NF1: variants seen among roughly 807,000 people sequenced by gnomAD.
The protein encoded by NF1 is neurofibromin 1, also known as neurofibromin.
Under a neutral mutation model 325.7 loss-of-function variants are expected in NF1, and 122 were observed. That is an observed-to-expected ratio of 0.37 (90% CI 0.32 to 0.44). The LOEUF (loss-of-function observed/expected upper bound fraction) is 0.44. Among genes scored for constraint, NF1 ranks in the 20% least tolerant of loss-of-function variants. The pLI, the probability that NF1 is intolerant of heterozygous loss-of-function variation, is 1.00. For synonymous variants in NF1, 1,091 were observed against 1,186.0 expected (o/e 0.92, Z 1.65); for missense variants, 2,140 against 3,415.4 (o/e 0.63, Z 9.31).
intron 39 of NF1, chr17:31,330,707 A>G (rs2069459884): frequency 5.2e-6 from 3 of 574,936 alleles, no homozygotes; most frequent in African/African-American, 1.9e-5. Flanking sequence ...CAAAATTCTG[A>G]TAATAAAAGC....
At chr17:31,259,219 C>G (rs1289867297) in intron 33 of NF1, 90 bp downstream of exon 33, 3 of 877,488 alleles carry the variant, frequency 3.4e-6, no homozygotes, top group Non-Finnish European at 5.6e-6. Flanking sequence ...ACATGAAGTT[C>G]CTGTGTAAGT....
chr17:31,313,859 A>G, intron 36 of NF1: 1 of 391,328 alleles, frequency 2.6e-6, no homozygotes, highest in Non-Finnish European at 4.5e-6. Flanking sequence ...ACAAAACCAC[A>G]AAAACCTGTT....
At chr17:31,111,830 G>T (rs1193258072) in intron 1 of NF1, among the ~76,000 whole-genome samples, 3 of 152,124 alleles carry the variant, frequency 2.0e-5, no homozygotes, top group African/African-American at 4.8e-5. Flanking sequence ...ACACACTCGG[G>T]TAAGTGTGTG....
At chr17:31,360,193 A>G (rs2070366763) in intron 56 of NF1, 1 of 419,220 alleles carries the variant, frequency 2.4e-6, no homozygotes, top group Non-Finnish European at 4.4e-6. Flanking sequence ...TGTTTTGGAA[A>G]ATTGGCTAGA....
At chr17:31,223,710 G>A (rs2066966337) in intron 16 of NF1, 143 bp downstream of exon 16, 1 of 766,312 alleles carries the variant, frequency 1.3e-6, no homozygotes, top group African/African-American at 1.8e-5. Flanking sequence ...TATGTATGCA[G>A]AGGACAATGA....
chr17:31,114,028 T>C (rs967387750), intron 1 of NF1, among the ~76,000 whole-genome samples: 2 of 152,172 alleles, frequency 1.3e-5, no homozygotes, highest in Non-Finnish European at 2.9e-5. Flanking sequence ...TCCTGTTACC[T>C]AGGGACTAAA....
intron 36 of NF1, among the ~76,000 whole-genome samples, chr17:31,307,091 G>A (rs1597803639): frequency 6.6e-6 from 1 of 151,878 alleles, no homozygotes; most frequent in East Asian, 1.9e-4. Context: ...GGCACAATCT[G>A]GGCTCACTGC....
intron 1 of NF1, among the ~76,000 whole-genome samples, chr17:31,098,661 C>T (rs113864163): frequency 0.017 from 2,539 of 152,002 alleles, 42 homozygotes; most frequent in Admixed American, 0.037. Context: ...TGGCCGGGCG[C>T]GGCGGCTCAC....
intron 11 of NF1, among the ~76,000 whole-genome samples, chr17:31,203,292 A>C (rs1271197980): frequency 1.3e-5 from 2 of 152,226 alleles, no homozygotes; most frequent in Non-Finnish European, 2.9e-5. Flanking sequence ...AGATCAAGTT[A>C]TATGAAAATC....
In NF1 at chr17:31,121,901, A is replaced by G. The variant is rs115896552; in HGVS notation, c.60+26532A>G. ...ATTTACTTTGACTTTTTCATCCTAC[A>G]AAAATTATTCTGGTTCTGAAGGATG... On this transcript the variant is annotated intron_variant, in intron 1 of 57. Transcript: ENST00000358273. Among the ~76,000 whole-genome samples the G allele has an allele frequency of 2.9e-3, 441 of 152,272 alleles. 2 individuals are homozygous for G. Among genetic ancestry groups the G allele is most frequent in the African/African-American group, 9.6e-3 (399 of 41,530 alleles).
chr17:31,258,128 G>C (rs2067615092), intron 31 of NF1, among the ~76,000 whole-genome samples: 1 of 151,960 alleles, frequency 6.6e-6, no homozygotes, highest in African/African-American at 2.4e-5. Flanking sequence ...TCTTTCCTCT[G>C]AGATACCTTA....
chr17:31,343,220 T>C (rs2069873093), intron 48 of NF1, 85 bp downstream of exon 48: 2 of 1,321,658 alleles, frequency 1.5e-6, no homozygotes, highest in Admixed American at 1.8e-5. Context: ...TTGAAATAAA[T>C]TGAAGTAAGT....
rs17879064 is a variant in NF1, at chr17:31,104,766, A to G, written c.60+9397A>G. Among the ~76,000 whole-genome samples the G allele has an allele frequency of 3.7e-3, 565 of 152,340 alleles. 6 individuals are homozygous for G. The highest frequency in any genetic ancestry group is 0.013 in the African/African-American group (537 of 41,578). The stretch of plus-strand genomic sequence containing the variant: ...AGAGTACTCTCAGGTGTTTAATGCT[A>G]TAGGATATAAACTATAACTGCTGTT... On this transcript the variant is annotated intron_variant, in intron 1 of 57. Transcript: ENST00000358273.
intron 5 of NF1, among the ~76,000 whole-genome samples, chr17:31,174,743 G>T (rs1249314630): frequency 6.6e-6 from 1 of 152,112 alleles, no homozygotes; most frequent in East Asian, 1.9e-4. Context: ...GATTCAAAAA[G>T]AATTAAGTGT....
At chr17:31,199,863 T>A (rs1184222545) in intron 8 of NF1, among the ~76,000 whole-genome samples, 3 of 152,002 alleles carry the variant, frequency 2.0e-5, no homozygotes, top group Non-Finnish European at 4.4e-5. Flanking sequence ...AGGCTAGGTG[T>A]GGTGGCTCAT....
chr17:31,140,973 A>T (rs1916167411), intron 1 of NF1, among the ~76,000 whole-genome samples: 1 of 152,244 alleles, frequency 6.6e-6, no homozygotes, highest in Non-Finnish European at 1.5e-5. Flanking sequence ...GGGGTTATAT[A>T]GATAATAAAA....
At chr17:31,286,342 G>T (rs983381469) in intron 36 of NF1, among the ~76,000 whole-genome samples, 1 of 152,156 alleles carries the variant, frequency 6.6e-6, no homozygotes, top group East Asian at 1.9e-4. Flanking sequence ...TAATCTGCCT[G>T]TCTTGGCTCC....
chr17:31,170,340 T>C (rs941475418), intron 5 of NF1, among the ~76,000 whole-genome samples: 3 of 152,338 alleles, frequency 2.0e-5, no homozygotes, highest in Non-Finnish European at 2.9e-5. Context: ...TGTTTAGCTA[T>C]TGTAGCACTT....
chr17:31,186,998 GT>G (rs1413845780), intron 8 of NF1, among the ~76,000 whole-genome samples: 2 of 152,144 alleles, frequency 1.3e-5, no homozygotes, highest in Non-Finnish European at 2.9e-5. Context: ...GCAGAGATTT[GT>G]CCTCACTGGA....
Sources: allele counts gnomAD v4.1 joint callset (sites outside exome capture counted in the v4.1 genomes callset), GRCh38; gene constraint gnomAD v4.1.1; transcripts MANE v1.5; gene names NCBI Gene and HGNC (gene_info 2026-07-23, HGNC 2026-07-21).